AFF1: variants seen among roughly 807,000 people sequenced by gnomAD.
AFF1 encodes ALF transcription elongation factor 1.
A neutral mutation model predicts 121.7 loss-of-function variants in AFF1; 48 were observed. That is an observed-to-expected ratio of 0.39 (90% CI 0.31 to 0.50). AFF1 has a LOEUF of 0.50. Ranked by LOEUF, AFF1 falls within the 20% of genes least tolerant of loss-of-function variation. AFF1 has a pLI of 0.76. For missense variants in AFF1, 1,523 were observed against 1,511.7 expected, an observed-to-expected ratio of 1.01 and a Z score of -0.12; for synonymous variants, 613 against 563.0, an observed-to-expected ratio of 1.09 and a Z score of -1.26.
chr4:87,093,011 C>T (rs1314235863), intron 7 of AFF1, among the ~76,000 whole-genome samples: 3 of 152,138 alleles, frequency 2.0e-5, no homozygotes, highest in African/African-American at 7.2e-5. Context: ...ATGTCTTTCA[C>T]GGGGTTGCTC....
chr4:87,039,796 TC>T (rs1729933713), intron 2 of AFF1, among the ~76,000 whole-genome samples: 1 of 152,196 alleles, frequency 6.6e-6, no homozygotes, highest in South Asian at 2.1e-4. Flanking sequence ...TTTGCAGACT[TC>T]CAGTAGAACT....
At chr4:86,950,252 C>G in intron 2 of AFF1, 1 of 811,470 alleles carries the variant, frequency 1.2e-6, no homozygotes, top group East Asian at 2.7e-5. Context: ...GATCTTGGCT[C>G]ACTGCAACCT....
intron 8 of AFF1, among the ~76,000 whole-genome samples, 182 bp downstream of exon 8, chr4:87,095,151 C>T (rs756109800): frequency 5.3e-5 from 8 of 152,162 alleles, no homozygotes; most frequent in Admixed American, 3.3e-4. Flanking sequence ...GGGGTCTTAA[C>T]TCTGTTGCCC....
chr4:86,964,750 T>A (rs951990267), intron 2 of AFF1, among the ~76,000 whole-genome samples: 2 of 152,204 alleles, frequency 1.3e-5, no homozygotes, highest in African/African-American at 4.8e-5. Flanking sequence ...TACATCCTTC[T>A]CGTTATTCCT....
intron 2 of AFF1, among the ~76,000 whole-genome samples, chr4:86,978,255 C>A (rs1211398317): frequency 6.3e-5 from 8 of 127,556 alleles, no homozygotes; most frequent in Non-Finnish European, 1.3e-4. Flanking sequence ...ACAACCTCGG[C>A]TCACTGCAAC....
intron 2 of AFF1, among the ~76,000 whole-genome samples, chr4:86,950,357 G>GA (rs1453068570): frequency 6.6e-6 from 1 of 152,136 alleles, no homozygotes; most frequent in Non-Finnish European, 1.5e-5. Context: ...TTTTGGTAGA[G>GA]ACGGGGTTTC....
At chr4:87,074,200 G>A (rs757564376) in intron 4 of AFF1, among the ~76,000 whole-genome samples, 3 of 152,112 alleles carry the variant, frequency 2.0e-5, no homozygotes, top group African/African-American at 4.8e-5. Flanking sequence ...AGAATTGGTT[G>A]TAGAAGGGGA....
At chr4:86,935,842 G>A (rs1719939179) in intron 1 of AFF1, 1 of 152,164 alleles carries the variant, frequency 6.6e-6, no homozygotes, top group African/African-American at 2.4e-5. Context: ...CTTTAGTATG[G>A]GACTGGTTAA....
intron 2 of AFF1, among the ~76,000 whole-genome samples, chr4:87,033,914 A>T (rs1479513633): frequency 1.3e-5 from 2 of 152,136 alleles, no homozygotes; most frequent in African/African-American, 4.8e-5. Flanking sequence ...ACCAATATTC[A>T]TATGACCTGA....
chr4:87,048,851 A>G (rs600326), intron 4 of AFF1, among the ~76,000 whole-genome samples: 1 of 152,180 alleles, frequency 6.6e-6, no homozygotes, highest in African/African-American at 2.4e-5. Flanking sequence ...AAGATGGCAG[A>G]ACTGCATCTC....
At chr4:86,954,995 C>G (rs1721636911) in intron 2 of AFF1, among the ~76,000 whole-genome samples, 1 of 152,020 alleles carries the variant, frequency 6.6e-6, no homozygotes, top group Non-Finnish European at 1.5e-5. Flanking sequence ...ACATTCTTTT[C>G]CCATCAACTT....
intron 4 of AFF1, among the ~76,000 whole-genome samples, chr4:87,070,699 T>C (rs1721943985): frequency 6.6e-6 from 1 of 152,272 alleles, no homozygotes; most frequent in African/African-American, 2.4e-5. Context: ...TTTTAACATA[T>C]AAACAGTATT....
intron 4 of AFF1, among the ~76,000 whole-genome samples, chr4:87,074,125 T>A (rs994178461): frequency 6.6e-6 from 1 of 151,932 alleles, no homozygotes. Context: ...CTTTGCAAAT[T>A]GATAGTCCCA....
At chr4:86,974,168 T>C (rs955975749) in intron 2 of AFF1, 2 of 152,252 alleles carry the variant, frequency 1.3e-5, no homozygotes, top group African/African-American at 2.4e-5. Flanking sequence ...ATTTTTGAGA[T>C]GGTGCTTTCG....
intron 11 of AFF1, among the ~76,000 whole-genome samples, chr4:87,112,568 C>T (rs894028277): frequency 6.6e-6 from 1 of 152,230 alleles, no homozygotes; most frequent in African/African-American, 2.4e-5. Context: ...TATTACCTAA[C>T]CTTTTCCTGG....
intron 2 of AFF1, among the ~76,000 whole-genome samples, chr4:86,964,159 C>A (rs538012949): frequency 6.7e-6 from 1 of 148,876 alleles, no homozygotes; most frequent in South Asian, 2.1e-4. Context: ...GAGTCTCGCC[C>A]CGTCACCAGG....
At position 86,944,135 on chromosome 4, in the gene AFF1, C is replaced by A. The variant is rs1168965428; in HGVS notation, c.-36-4363C>A. Among the ~76,000 whole-genome samples the A allele has an allele frequency of 3.4e-5, 4 of 116,228 alleles. No homozygotes were observed. In the South Asian group the frequency reaches 1.0e-3, roughly 30 times the overall value. The allele number at this position is 116,228 out of a possible 152,430, so 76.3% of individuals were successfully genotyped here. A position where few individuals can be genotyped will look rare whatever the true frequency, so the allele number is the denominator to read the frequency against. On this transcript the variant is annotated intron_variant, in intron 1 of 20. Transcript: ENST00000395146. ...CTCCAGCCTGGGTGACAGAGCAAGA[C>A]CCTGTAAAAAAAAAAAAAAAAAAAA... is the stretch of plus-strand genomic sequence containing the variant.
chr4:87,059,109 C>T (rs1408633091), intron 4 of AFF1, among the ~76,000 whole-genome samples: 1 of 152,234 alleles, frequency 6.6e-6, no homozygotes, highest in Admixed American at 6.5e-5. Flanking sequence ...TGCAGCCTTT[C>T]CCTGGTGACC....
chr4:87,044,350 T>C (rs949774470), intron 2 of AFF1, among the ~76,000 whole-genome samples: 51 of 152,226 alleles, frequency 3.4e-4, no homozygotes, highest in African/African-American at 9.6e-4. Context: ...TATTTAATGA[T>C]TAGCTTCTAT....
Sources: allele counts gnomAD v4.1 joint callset (sites outside exome capture counted in the v4.1 genomes callset), GRCh38; gene constraint gnomAD v4.1.1; transcripts MANE v1.5; gene names NCBI Gene and HGNC (gene_info 2026-07-23, HGNC 2026-07-21).